Variants in SLC23A2 observed in about 807,000 individuals in gnomAD.
SLC23A2 encodes the protein solute carrier family 23 member 2, also known as Na(+)/L-ascorbic acid transporter 2.
A neutral mutation model predicts 73.3 loss-of-function variants in SLC23A2; 36 were observed. That is an observed-to-expected ratio of 0.49 (90% CI 0.38 to 0.65). The LOEUF (loss-of-function observed/expected upper bound fraction) is 0.65, where lower values mean the gene tolerates loss of function less well. Ranked by LOEUF, SLC23A2 falls within the 30% of genes least tolerant of loss-of-function variation. The pLI, the probability that SLC23A2 is intolerant of heterozygous loss-of-function variation, is 0.00. For synonymous variants in SLC23A2, 343 were observed against 327.3 expected (o/e 1.05, Z -0.52); for missense variants, 507 against 841.6 (o/e 0.60, Z 4.92).
chr20:4,874,860 T>C (rs926946802), intron 9 of SLC23A2, among the ~76,000 whole-genome samples, 164 bp from the exon 10 acceptor site: 2 of 152,256 alleles, frequency 1.3e-5, no homozygotes, highest in Admixed American at 6.5e-5. Flanking sequence ...TCTATTGGAA[T>C]GTACATCTTT....
intron 2 of SLC23A2, among the ~76,000 whole-genome samples, chr20:4,969,401 C>T (rs923958186): frequency 1.5e-4 from 23 of 152,062 alleles, no homozygotes; most frequent in African/African-American, 5.6e-4. Flanking sequence ...TATTAGAAGT[C>T]TTAAAATTTT....
upstream of SLC23A2, among the ~76,000 whole-genome samples, chr20:5,006,306 C>A (rs1428590662): frequency 6.6e-6 from 1 of 151,770 alleles, no homozygotes; most frequent in Non-Finnish European, 1.5e-5. Context: ...ACCATCTTGG[C>A]CAGGCTGGTA....
chr20:4,869,212 T>C (rs1260232958), intron 12 of SLC23A2: 1 of 152,024 alleles, frequency 6.6e-6, no homozygotes, highest in African/African-American at 2.4e-5. Context: ...GGTGGGAGGA[T>C]TGCTTGAGCC....
intron 1 of SLC23A2, among the ~76,000 whole-genome samples, chr20:4,991,351 C>A (rs975629810): frequency 9.9e-5 from 15 of 152,186 alleles, no homozygotes; most frequent in African/African-American, 3.6e-4. Context: ...CTCAAGCAAT[C>A]TTCCCATGTC....
At chr20:4,884,427 A>T (rs1158920517) in intron 8 of SLC23A2, among the ~76,000 whole-genome samples, 1 of 152,222 alleles carries the variant, frequency 6.6e-6, no homozygotes, top group East Asian at 1.9e-4. Context: ...AGAGCGAACA[A>T]TTCTGCTATC....
chr20:4,898,750 G>T (rs1301589921), intron 6 of SLC23A2, among the ~76,000 whole-genome samples: 1 of 152,246 alleles, frequency 6.6e-6, no homozygotes, highest in Non-Finnish European at 1.5e-5. Context: ...AAATGCAGAA[G>T]TGAACAAGCC....
At chr20:4,982,746 G>A (rs1039148200) in intron 1 of SLC23A2, among the ~76,000 whole-genome samples, 1 of 152,084 alleles carries the variant, frequency 6.6e-6, no homozygotes, top group Non-Finnish European at 1.5e-5. Flanking sequence ...TTCAAAAAAG[G>A]GCATCAGGAC....
chr20:5,004,226 T>G (rs981625350), upstream of SLC23A2, among the ~76,000 whole-genome samples: 2 of 152,204 alleles, frequency 1.3e-5, no homozygotes, highest in Admixed American at 1.3e-4. Flanking sequence ...ATGCATTATT[T>G]TCTCCCATAA....
intron 5 of SLC23A2, among the ~76,000 whole-genome samples, chr20:4,901,042 C>A (rs1331693252): frequency 1.3e-5 from 2 of 152,178 alleles, no homozygotes; most frequent in Non-Finnish European, 2.9e-5. Flanking sequence ...TTTCCCACTC[C>A]TATCTGACCA....
intron 2 of SLC23A2, among the ~76,000 whole-genome samples, chr20:4,938,458 C>A (rs147263321): frequency 6.6e-6 from 1 of 152,014 alleles, no homozygotes; most frequent in Non-Finnish European, 1.5e-5. Context: ...CCTGCCTCAG[C>A]GTCTCGAGTA....
intron 6 of SLC23A2, among the ~76,000 whole-genome samples, chr20:4,898,006 C>CA (rs1055723901): frequency 1.7e-4 from 26 of 152,218 alleles, no homozygotes; most frequent in East Asian, 3.9e-4. Context: ...CTGAGTGAGC[C>CA]AAAAAAAGCT....
chr20:4,968,869 C>T lies in SLC23A2; in HGVS notation c.-155+1924G>A, dbSNP rs2087516604. Among the ~76,000 whole-genome samples, 6 of 151,886 alleles carry T rather than the reference C, an allele frequency of 4.0e-5. 1 individual carries two copies. The South Asian group carries it at 1.2e-3, about 32-fold the overall frequency. ...GAGTAGCTAGCAATACAGGTGTGCG[C>T]CACCATGCCTGGCTAATTTTTGTAT... On this transcript the variant is annotated intron_variant, in intron 2 of 16. Coordinates refer to ENST00000338244, the MANE Select transcript of SLC23A2 (RefSeq NM_005116.6).
chr20:5,009,650 T>C (rs2088227254), intron 1 of SLC23A2, among the ~76,000 whole-genome samples: 1 of 152,164 alleles, frequency 6.6e-6, no homozygotes, highest in African/African-American at 2.4e-5. Context: ...CTTTACTTGT[T>C]CCACCAAACC....
chr20:4,887,729 G>A (rs774808886), intron 6 of SLC23A2, among the ~76,000 whole-genome samples: 3 of 152,298 alleles, frequency 2.0e-5, no homozygotes, highest in Admixed American at 1.3e-4. Context: ...AAAGTCTCCC[G>A]AGATGATCTG....
chr20:4,918,088 T>A (rs1932387904), intron 3 of SLC23A2, among the ~76,000 whole-genome samples: 1 of 152,232 alleles, frequency 6.6e-6, no homozygotes, highest in African/African-American at 2.4e-5. Flanking sequence ...CAAAGCTTCA[T>A]ATTTTGGAAC....
chr20:4,899,216 C>T lies in SLC23A2; in HGVS notation c.482+339G>A, dbSNP rs1021228757. 9.2e-5 allele frequency among the ~76,000 whole-genome samples: 14 copies of T among 152,108 alleles called. No individual in the cohort carries two copies. Among genetic ancestry groups the T allele is most frequent in the Admixed American group, 2.0e-4 (3 of 15,284 alleles). ...AGTGCCCTGGAGGCAGGGAAGCCAACGGGGAGCCTGGTGGGACACTCTGGT... is the reference window on the plus strand; with the variant it reads ...AGTGCCCTGGAGGCAGGGAAGCCAATGGGGAGCCTGGTGGGACACTCTGGT... On this transcript the variant is annotated intron_variant, in intron 6 of 16. Coordinates refer to ENST00000338244, the MANE Select transcript of SLC23A2 (RefSeq NM_005116.6). The surrounding 1 kb of genome is among the most constrained non-coding windows in gnomAD (Gnocchi z 4.9).
rs1019378883 is a variant in SLC23A2, at chr20:4,898,968, A to G, written c.482+587T>C. The stretch of plus-strand genomic sequence containing the variant: ...GGCGGGTTGAGGGAAGACACACAAG[A>G]AGGTAGACAGCGGGCCCTTGGGAGT... On this transcript the variant is annotated intron_variant, in intron 6 of 16. Transcript: ENST00000338244. Among the ~76,000 whole-genome samples, 50 of 152,294 alleles carry G rather than the reference A, an allele frequency of 3.3e-4. 1 individual carries two copies. Among genetic ancestry groups the G allele is most frequent in the African/African-American group, 1.1e-3 (46 of 41,558 alleles).
intron 1 of SLC23A2, among the ~76,000 whole-genome samples, chr20:4,994,796 G>A (rs544021023): frequency 1.3e-5 from 2 of 151,392 alleles, no homozygotes; most frequent in African/African-American, 2.4e-5. Flanking sequence ...TTAGCCAGGC[G>A]CAGTTGCAGT....
At chr20:4,919,600 C>T (rs1484643809) in intron 3 of SLC23A2, among the ~76,000 whole-genome samples, 2 of 152,308 alleles carry the variant, frequency 1.3e-5, no homozygotes, top group South Asian at 2.1e-4. Context: ...CTGGTGACTG[C>T]TACTGTCTGC....
Sources: gnomAD v4.1 joint callset for allele counts (sites outside exome capture counted in the v4.1 genomes callset) on GRCh38, gnomAD v4.1.1 for gene constraint, Gnocchi (gnomAD v3.1) non-coding constraint, MANE v1.5 for transcripts, NCBI Gene and HGNC (gene_info 2026-07-23, HGNC 2026-07-21) for gene names.